Variants in SETD2 observed in about 807,000 individuals in gnomAD.
SETD2 encodes histone-lysine N-methyltransferase SETD2.
Under a neutral mutation model 242.1 loss-of-function variants are expected in SETD2, and 31 were observed. The observed-to-expected ratio is 0.13, with a 90% confidence interval of 0.10 to 0.17. The LOEUF is 0.17. Ranked by LOEUF, SETD2 falls within the 10% of genes least tolerant of loss-of-function variation. The pLI, the probability that SETD2 is intolerant of heterozygous loss-of-function variation, is 1.00. For synonymous variants in SETD2, 1,006 were observed against 1,066.5 expected (o/e 0.94, Z 1.11); for missense variants, 2,481 against 3,046.3 (o/e 0.81, Z 4.37).
At chr3:47,115,062 A>C (rs577012980) in intron 4 of SETD2, among the ~76,000 whole-genome samples, 4 of 152,158 alleles carry the variant, frequency 2.6e-5, no homozygotes, top group African/African-American at 9.7e-5. Context: ...CAGAATCTCT[A>C]ATGATACATA....
chr3:47,122,039 T>A lies in SETD2; in HGVS notation c.2597A>T (p.His866Leu). The part of the protein sequence containing the change: ...IGSTSSASVN[H>L]FDDLYQPIGS... ...AATAGGTTGATATAAATCATCAAAA[T>A]GATTAACAGAAGCTGAACTAGTGCT... The change falls in exon 3 of 21, where the codon CAT (histidine) becomes CTT (leucine). Residue 866 changes from histidine to leucine, a missense_variant. By Grantham distance (99) the His-to-Leu change is moderately conservative. Coordinates refer to ENST00000409792, the MANE Select transcript of SETD2 (RefSeq NM_014159.7). 6.2e-7 allele frequency: 1 copy of A among 1,613,896 alleles called. No homozygotes were observed.
intron 15 of SETD2, among the ~76,000 whole-genome samples, chr3:47,048,018 T>A (rs1203464714): frequency 6.6e-6 from 1 of 152,200 alleles, no homozygotes; most frequent in Non-Finnish European, 1.5e-5. Flanking sequence ...GTTTCTGTAA[T>A]AAAGACTTGT....
Position 47,150,719 on chromosome 3 carries a change from C to T in SETD2, c.71+13135G>A, listed in dbSNP as rs142015284. ...GTAATAGGCTGGGCACGGTGTCTCA[C>T]GCCTGTAATCCCAGCACTTTGGGAA... is the stretch of plus-strand genomic sequence containing the variant. On this transcript the variant is annotated intron_variant, in intron 1 of 20. Coordinates refer to ENST00000409792, the MANE Select transcript of SETD2 (RefSeq NM_014159.7). Among the ~76,000 whole-genome samples, 22 of 152,058 alleles carry T rather than the reference C, an allele frequency of 1.4e-4. No homozygotes were observed. The East Asian group carries it at 2.9e-3, about 20-fold the overall frequency.
chr3:47,071,321 C>A (rs1244156244), intron 12 of SETD2, among the ~76,000 whole-genome samples: 2 of 152,176 alleles, frequency 1.3e-5, no homozygotes, highest in African/African-American at 2.4e-5. Context: ...TGGGCCCATA[C>A]TGTCTTATTC....
intron 2 of SETD2, among the ~76,000 whole-genome samples, 190 bp downstream of exon 2, chr3:47,126,458 T>C (rs1268231332): frequency 2.0e-5 from 3 of 152,252 alleles, no homozygotes; most frequent in African/African-American, 7.2e-5. Context: ...AAAACCATTT[T>C]TCTGAGATAC....
At chr3:47,035,386 A>G (rs1021010890) in intron 18 of SETD2, among the ~76,000 whole-genome samples, 3 of 152,196 alleles carry the variant, frequency 2.0e-5, no homozygotes, top group Non-Finnish European at 4.4e-5. Flanking sequence ...AAATCACTTT[A>G]AAGGTTTCCC....
intron 18 of SETD2, among the ~76,000 whole-genome samples, chr3:47,037,177 C>T (rs1011663903): frequency 2.0e-5 from 3 of 146,610 alleles, no homozygotes; most frequent in Non-Finnish European, 4.5e-5. Flanking sequence ...ATGTGCACAA[C>T]GTGCAGGTTT....
At chr3:47,079,037 T>C (rs575719590) in intron 12 of SETD2, among the ~76,000 whole-genome samples, 1 of 152,104 alleles carries the variant, frequency 6.6e-6, no homozygotes, top group African/African-American at 2.4e-5. Context: ...AAAAATAAGG[T>C]AAAATGTTAA....
At chr3:47,085,196 C>T (rs1214292558) in intron 11 of SETD2, among the ~76,000 whole-genome samples, 1 of 152,168 alleles carries the variant, frequency 6.6e-6, no homozygotes, top group African/African-American at 2.4e-5. Context: ...TAAGACTGAT[C>T]AGCAAGAATC....
At chr3:47,144,270 G>T (rs1043687694) in intron 1 of SETD2, among the ~76,000 whole-genome samples, 7 of 152,006 alleles carry the variant, frequency 4.6e-5, no homozygotes, top group African/African-American at 1.2e-4. Context: ...AAGGCAGGAG[G>T]ATCACTTGAG....
At chr3:47,027,916 C>T (rs944488859) in intron 18 of SETD2, among the ~76,000 whole-genome samples, 5 of 151,812 alleles carry the variant, frequency 3.3e-5, no homozygotes, top group East Asian at 1.9e-4. Flanking sequence ...CTCAGCCTCC[C>T]GAGTAGCTAG....
At chr3:47,128,356 AG>A (rs1430677767) in intron 1 of SETD2, among the ~76,000 whole-genome samples, 4 of 152,224 alleles carry the variant, frequency 2.6e-5, no homozygotes, top group African/African-American at 9.7e-5. Flanking sequence ...ACGCATACTG[AG>A]GGACTGTCTA....
chr3:47,049,305 AT>A (rs1267462040), intron 15 of SETD2, among the ~76,000 whole-genome samples: 1 of 744 alleles, frequency 1.3e-3, no homozygotes, highest in Non-Finnish European at 2.6e-3. Context: ...AGTTTTCTAA[AT>A]ATATATATAT....
In SETD2 at chr3:47,120,086, AT is replaced by A. The variant is rs1418582448; in HGVS notation, c.4454+95del. On this transcript the variant is annotated intron_variant, in intron 3 of 20. Transcript: ENST00000409792. ...ATTTACTTTATCCCACAACTCTTTC[AT>A]GTGTTTAATCTCATACAGTCTGAAT... The A allele has an allele frequency of 4.1e-6, 4 of 979,494 alleles. No homozygotes were observed. The African/African-American group carries it at 6.5e-5, about 16-fold the overall frequency. The allele number at this position is 979,494 out of a possible 1,614,324, so 60.7% of individuals were successfully genotyped here. A position where few individuals can be genotyped will look rare whatever the true frequency, so the allele number is the denominator to read the frequency against.
intron 16 of SETD2, among the ~76,000 whole-genome samples, chr3:47,045,942 C>T (rs144573571): frequency 1.0e-3 from 151 of 151,202 alleles, no homozygotes; most frequent in African/African-American, 3.5e-3. Flanking sequence ...TATGTATTAA[C>T]GGAACTATAA....
chr3:47,030,671 A>G (rs191130639), intron 18 of SETD2, among the ~76,000 whole-genome samples: 31 of 152,324 alleles, frequency 2.0e-4, no homozygotes, highest in Admixed American at 4.6e-4. Context: ...CATATGGGGG[A>G]AAAAGATAAT....
intron 6 of SETD2, among the ~76,000 whole-genome samples, chr3:47,104,300 G>T (rs2042325641): frequency 6.6e-6 from 1 of 152,106 alleles, no homozygotes; most frequent in Non-Finnish European, 1.5e-5. Flanking sequence ...CCAGTGCTTT[G>T]GGAAGTTGAG....
intron 1 of SETD2, chr3:47,157,497 G>A (rs1389274276): frequency 2.2e-6 from 1 of 455,812 alleles, no homozygotes; most frequent in Non-Finnish European, 4.4e-6. Context: ...ACTTTCTTTT[G>A]ACCAAATTTG....
intron 1 of SETD2, 111 bp from the exon 2 acceptor site, chr3:47,126,774 T>C (rs927562987): frequency 1.7e-5 from 11 of 644,784 alleles, no homozygotes; most frequent in East Asian, 8.3e-5. Context: ...ACTTACTACC[T>C]ACAGGTATAT....
Sources: allele counts gnomAD v4.1 joint callset (sites outside exome capture counted in the v4.1 genomes callset), GRCh38; gene constraint gnomAD v4.1.1; transcripts MANE v1.5; gene names NCBI Gene and HGNC (gene_info 2026-07-23, HGNC 2026-07-21).